Variants in RSPO2 observed in about 807,000 individuals in gnomAD.
RSPO2 encodes R-spondin-2.
Under a neutral mutation model 30.9 loss-of-function variants are expected in RSPO2, and 14 were observed. The ratio of observed to expected loss-of-function variants is 0.45; its 90% CI spans 0.30 to 0.71. The LOEUF is 0.71. RSPO2 is among the 30% of genes least tolerant of loss of function. RSPO2 has a pLI of 0.08. For missense variants in RSPO2, 264 were observed against 301.9 expected, an observed-to-expected ratio of 0.87 and a Z score of 0.93; for synonymous variants, 107 against 96.4, an observed-to-expected ratio of 1.11 and a Z score of -0.64.
intron 5 of RSPO2, among the ~76,000 whole-genome samples, chr8:107,947,611 T>C (rs1813107743): frequency 6.6e-6 from 1 of 152,166 alleles, no homozygotes; most frequent in South Asian, 2.1e-4. Context: ...CTGCTAATTC[T>C]CTCATCAGAC....
chr8:107,927,160 T>G (rs1454170505), intron 5 of RSPO2, among the ~76,000 whole-genome samples: 3 of 152,308 alleles, frequency 2.0e-5, no homozygotes, highest in African/African-American at 7.2e-5. Flanking sequence ...TTGAAGCAAT[T>G]GTGAATGGGA....
At chr8:108,057,300 G>T (rs2130693766) in intron 2 of RSPO2, among the ~76,000 whole-genome samples, 1 of 151,996 alleles carries the variant, frequency 6.6e-6, no homozygotes, top group South Asian at 2.1e-4. Flanking sequence ...TTATGTAGAA[G>T]GGAAAAACAT....
At chr8:108,011,223 A>G (rs923634432) in intron 2 of RSPO2, among the ~76,000 whole-genome samples, 7 of 148,720 alleles carry the variant, frequency 4.7e-5, no homozygotes, top group Non-Finnish European at 7.4e-5. Flanking sequence ...AAGGAAAAGG[A>G]AAAGGGAAAG....
intron 5 of RSPO2, among the ~76,000 whole-genome samples, chr8:107,953,124 G>A (rs925944316): frequency 3.9e-5 from 6 of 152,156 alleles, no homozygotes; most frequent in African/African-American, 9.7e-5. Context: ...TTAAGAGTCC[G>A]ATAGTTGAAA....
intron 5 of RSPO2, among the ~76,000 whole-genome samples, chr8:107,939,218 A>G (rs2130369280): frequency 1.3e-5 from 2 of 152,074 alleles, no homozygotes; most frequent in Admixed American, 6.6e-5. Flanking sequence ...AACTGTTATC[A>G]CTTCATTTTC....
At chr8:107,923,141 C>A (rs979667308) in intron 5 of RSPO2, among the ~76,000 whole-genome samples, 1 of 152,096 alleles carries the variant, frequency 6.6e-6, no homozygotes, top group Admixed American at 6.6e-5. Flanking sequence ...GTAAAATAGA[C>A]AACCTCCAGA....
intron 5 of RSPO2, among the ~76,000 whole-genome samples, chr8:107,932,970 A>G (rs778225726): frequency 6.6e-6 from 1 of 152,194 alleles, no homozygotes; most frequent in Non-Finnish European, 1.5e-5. Flanking sequence ...TGGCAAGAAG[A>G]TAGAGAAATT....
chr8:107,943,115 C>T (rs1317502769), intron 5 of RSPO2, among the ~76,000 whole-genome samples: 1 of 152,224 alleles, frequency 6.6e-6, no homozygotes, highest in Non-Finnish European at 1.5e-5. Context: ...AATGTGACAA[C>T]TGTCAAACAA....
chr8:108,028,972 G>T (rs1811316526), intron 2 of RSPO2, among the ~76,000 whole-genome samples: 2 of 117,368 alleles, frequency 1.7e-5, no homozygotes, highest in South Asian at 6.3e-4. Context: ...TTTTTTTTTT[G>T]AATCATGACG....
At chr8:108,041,239 G>C (rs1811748620) in intron 2 of RSPO2, among the ~76,000 whole-genome samples, 1 of 145,652 alleles carries the variant, frequency 6.9e-6, no homozygotes, top group African/African-American at 2.5e-5. Flanking sequence ...GCCCTATGAT[G>C]ATAATAATTT....
At chr8:108,030,116 T>TA (rs1811372818) in intron 2 of RSPO2, among the ~76,000 whole-genome samples, 2 of 74,196 alleles carry the variant, frequency 2.7e-5, no homozygotes, top group South Asian at 3.7e-4. Flanking sequence ...CTGGGATAGA[T>TA]AGGAAAAAAA....
rs559695810 is a variant in RSPO2, at chr8:108,012,639, T to A, written c.95-23395A>T. 2.5e-3 allele frequency among the ~76,000 whole-genome samples: 374 copies of A among 152,318 alleles called. 2 individuals carry two copies. The highest frequency in any genetic ancestry group is 0.01 in the Middle Eastern group (3 of 294). Reference sequence around the variant, plus strand: ...ACTGCAAATTGAAAATGGAGTGATATGTAAGAGAAATTCCAAAAGTAGGGG... The same window carrying A: ...ACTGCAAATTGAAAATGGAGTGATAAGTAAGAGAAATTCCAAAAGTAGGGG... On this transcript the variant is annotated intron_variant, in intron 2 of 5. Coordinates refer to ENST00000276659, the MANE Select transcript of RSPO2 (RefSeq NM_178565.5).
intron 2 of RSPO2, among the ~76,000 whole-genome samples, chr8:108,065,134 G>T (rs780733778): frequency 4.0e-5 from 6 of 151,346 alleles, no homozygotes; most frequent in Non-Finnish European, 8.8e-5. Flanking sequence ...ACGAACCTGC[G>T]CATTGTGCAC....
chr8:108,042,365 G>C (rs1412951415), intron 2 of RSPO2, among the ~76,000 whole-genome samples: 1 of 152,088 alleles, frequency 6.6e-6, no homozygotes, highest in Non-Finnish European at 1.5e-5. Flanking sequence ...AATGACAGTA[G>C]GAAATAACAA....
At chr8:107,912,347 A>G (rs530438813) in intron 5 of RSPO2, among the ~76,000 whole-genome samples, 4 of 152,170 alleles carry the variant, frequency 2.6e-5, no homozygotes, top group Non-Finnish European at 5.9e-5. Flanking sequence ...TACTGCTGAA[A>G]GGGTGTGCAA....
chr8:108,043,443 C>G (rs1167596479), intron 2 of RSPO2, among the ~76,000 whole-genome samples: 1 of 152,060 alleles, frequency 6.6e-6, no homozygotes, highest in Non-Finnish European at 1.5e-5. Flanking sequence ...TGTTTTATTT[C>G]TCTAACAGTG....
At chr8:107,946,431 G>A (rs1333449695) in intron 5 of RSPO2, among the ~76,000 whole-genome samples, 2 of 152,206 alleles carry the variant, frequency 1.3e-5, no homozygotes, top group African/African-American at 4.8e-5. Context: ...TGCAAAGACA[G>A]TTACAGTTTA....
chr8:108,009,677 C>T (rs914547507), intron 2 of RSPO2, among the ~76,000 whole-genome samples: 7 of 152,172 alleles, frequency 4.6e-5, no homozygotes, highest in Admixed American at 3.9e-4. Flanking sequence ...AGTACAAATG[C>T]TCAAATTTTG....
chr8:108,078,473 T>C (rs1044158102), intron 2 of RSPO2, among the ~76,000 whole-genome samples: 5 of 152,244 alleles, frequency 3.3e-5, no homozygotes, highest in Non-Finnish European at 5.9e-5. Context: ...GTTCCATGTG[T>C]CATTTTGTAT....
Sources: gnomAD v4.1 joint callset for allele counts (sites outside exome capture counted in the v4.1 genomes callset) on GRCh38, gnomAD v4.1.1 for gene constraint, MANE v1.5 for transcripts, NCBI Gene and HGNC (gene_info 2026-07-23, HGNC 2026-07-21) for gene names.